Variants in TCF4 observed in about 807,000 individuals in gnomAD.
TCF4 encodes SL3-3 enhancer factor 2.
TCF4 carries 3 observed loss-of-function variants against 82.1 expected under a neutral mutation model. The observed-to-expected ratio is 0.04, with a 90% confidence interval of 0.02 to 0.09. TCF4 has a LOEUF of 0.09. TCF4 is among the 10% of genes least tolerant of loss of function. The pLI is 1.00. For synonymous variants in TCF4, 276 were observed against 309.6 expected, an observed-to-expected ratio of 0.89 and a Z score of 1.14; for missense variants, 518 against 852.7, an observed-to-expected ratio of 0.61 and a Z score of 4.89.
In TCF4 at chr18:55,625,373, G is replaced by C. The variant is rs544933084; in HGVS notation, c.286+5925C>G. ...CCTGCCTCAGCCTCCTGAGTAGCTG[G>C]GACTACAGGCGCACACCACCATGCC... is the stretch of plus-strand genomic sequence containing the variant. On this transcript the variant is annotated intron_variant, in intron 2 of 20. Transcript: ENST00000398339. Among the ~76,000 whole-genome samples, 5 of 151,974 alleles carry C rather than the reference G, an allele frequency of 3.3e-5. No homozygotes were observed. In the South Asian group the frequency reaches 1.0e-3, roughly 32 times the overall value.
chr18:55,329,359 AAC>A (rs1372045545), intron 8 of TCF4, among the ~76,000 whole-genome samples: 1 of 152,142 alleles, frequency 6.6e-6, no homozygotes, highest in Non-Finnish European at 1.5e-5. Context: ...CCCACACATA[AAC>A]ACAGACACGA....
At chr18:55,612,141 A>T (rs2097707669) in intron 2 of TCF4, among the ~76,000 whole-genome samples, 1 of 152,124 alleles carries the variant, frequency 6.6e-6, no homozygotes. Flanking sequence ...CCACTTCTCA[A>T]TTTGGATGAG....
intron 6 of TCF4, among the ~76,000 whole-genome samples, chr18:55,369,387 A>T (rs549409687): frequency 1.3e-5 from 2 of 152,318 alleles, no homozygotes; most frequent in Non-Finnish European, 2.9e-5. Context: ...ACCAGACTGA[A>T]GGTCAAGCAG....
chr18:55,267,955 G>A (rs1224883446), intron 11 of TCF4: 1 of 152,046 alleles, frequency 6.6e-6, no homozygotes, highest in African/African-American at 2.4e-5. Context: ...AGACCAACAA[G>A]TAGATTCTCC....
At chr18:55,494,426 T>C (rs757087695) in intron 3 of TCF4, among the ~76,000 whole-genome samples, 1 of 152,086 alleles carries the variant, frequency 6.6e-6, no homozygotes, top group Non-Finnish European at 1.5e-5. Flanking sequence ...ATTAGTATTA[T>C]GATTTAAGTC....
intron 4 of TCF4, among the ~76,000 whole-genome samples, chr18:55,463,389 C>T (rs1162922700): frequency 1.3e-5 from 2 of 152,150 alleles, no homozygotes; most frequent in Non-Finnish European, 2.9e-5. Flanking sequence ...TATTGCTTAA[C>T]CACCCACCCA....
At chr18:55,405,843 A>G (rs1381568934) in intron 5 of TCF4, among the ~76,000 whole-genome samples, 1 of 152,210 alleles carries the variant, frequency 6.6e-6, no homozygotes, top group South Asian at 2.1e-4. Context: ...CATGGAACCC[A>G]GCATTCTTTA....
intron 6 of TCF4, among the ~76,000 whole-genome samples, chr18:55,397,475 A>G (rs1451559723): frequency 6.6e-6 from 1 of 152,222 alleles, no homozygotes; most frequent in Non-Finnish European, 1.5e-5. Flanking sequence ...TCCCAAGCCC[A>G]GAAGTTTGAG....
intron 2 of TCF4, among the ~76,000 whole-genome samples, chr18:55,613,105 T>C (rs1358926094): frequency 6.6e-6 from 1 of 152,176 alleles, no homozygotes; most frequent in African/African-American, 2.4e-5. Flanking sequence ...GGTGTATAAG[T>C]GTCAAATATA....
chr18:55,283,098 T>TA (rs1470442486), intron 8 of TCF4, among the ~76,000 whole-genome samples: 2 of 151,962 alleles, frequency 1.3e-5, no homozygotes, highest in Non-Finnish European at 2.9e-5. Context: ...CAATCATACA[T>TA]ATAGAAATCC....
At chr18:55,587,220 G>T (rs2097657407) in intron 1 of TCF4, 84 bp from the exon 2 acceptor site, 1 of 231,458 alleles carries the variant, frequency 4.3e-6, no homozygotes, top group Non-Finnish European at 7.1e-6. Context: ...AGACTGGGGG[G>T]TTGGGGGTGG....
At chr18:55,452,720 G>A (rs1302349203) in intron 5 of TCF4, 2 of 152,314 alleles carry the variant, frequency 1.3e-5, no homozygotes, top group Non-Finnish European at 2.9e-5. Context: ...GGTAAGGAGA[G>A]CTGGCTTTGG....
intron 3 of TCF4, among the ~76,000 whole-genome samples, chr18:55,563,533 T>C (rs1465401454): frequency 6.6e-6 from 1 of 152,218 alleles, no homozygotes; most frequent in East Asian, 1.9e-4. Flanking sequence ...CTTAAGGAGT[T>C]TGCTTAGAGA....
intron 8 of TCF4, among the ~76,000 whole-genome samples, chr18:55,294,578 C>T (rs1002161898): frequency 8.5e-5 from 13 of 152,090 alleles, no homozygotes; most frequent in Admixed American, 3.9e-4. Context: ...AGGTGTTGTG[C>T]GTGGGGTGAA....
chr18:55,390,274 G>A (rs1329850497), intron 6 of TCF4, among the ~76,000 whole-genome samples: 2 of 126,412 alleles, frequency 1.6e-5, no homozygotes. Context: ...AACACAGCAG[G>A]ACCCTGACTC....
At chr18:55,269,692 A>G in intron 11 of TCF4, 139 bp downstream of exon 11, 1 of 1,132,652 alleles carries the variant, frequency 8.8e-7, no homozygotes, top group South Asian at 1.4e-5. Context: ...TCTGTTTGGT[A>G]CATTTGTGTG....
upstream of TCF4, chr18:55,589,929 G>A (rs1420924100): frequency 2.9e-6 from 2 of 697,614 alleles, no homozygotes; most frequent in African/African-American, 3.9e-5. Context: ...TGGCGGTGCT[G>A]GTCGACCACG....
chr18:55,266,632 A>G (rs1265344233), intron 11 of TCF4: 3 of 152,138 alleles, frequency 2.0e-5, no homozygotes, highest in African/African-American at 7.2e-5. Context: ...AATTCTCTTG[A>G]AAATCCATGG....
At chr18:55,631,299 T>C (rs914591661) in exon 2 of TCF4, 2 of 1,425,688 alleles carry the variant, frequency 1.4e-6, no homozygotes. Context: ...TCCACCTACC[T>C]TGGCCTCCCA....
Sources: allele counts gnomAD v4.1 joint callset (sites outside exome capture counted in the v4.1 genomes callset), GRCh38; gene constraint gnomAD v4.1.1; transcripts MANE v1.5; gene names NCBI Gene and HGNC (gene_info 2026-07-23, HGNC 2026-07-21).